The following ASIC5 variants were observed in gnomAD, a reference collection of about 807,000 sequenced individuals.
The protein encoded by ASIC5 is acid sensing ion channel subunit family member 5.
In ASIC5, 52 loss-of-function variants were observed where a neutral mutation model predicts 51.2. The ratio of observed to expected loss-of-function variants is 1.02; its 90% CI spans 0.81 to 1.28. The LOEUF is 1.28. Among genes scored for constraint, ASIC5 ranks in the 50% most tolerant of loss-of-function variants. The pLI, the probability that ASIC5 is intolerant of heterozygous loss-of-function variation, is 0.00. For missense variants in ASIC5, 635 were observed against 595.0 expected (o/e 1.07, Z -0.70); for synonymous variants, 231 against 200.7 (o/e 1.15, Z -1.28).
intron 2 of ASIC5, among the ~76,000 whole-genome samples, chr4:155,855,716 CTATATGTGTGTGTATATATATACATA>C (rs1229890989): frequency 6.8e-6 from 1 of 148,016 alleles, no homozygotes; most frequent in Non-Finnish European, 1.5e-5. Flanking sequence ...AAATATATAT[CTATATGTGTGTGTATATATATACATA>C]TATATAAAGA....
chr4:155,860,379 GT>G (rs1741671475), intron 2 of ASIC5, among the ~76,000 whole-genome samples: 1 of 151,802 alleles, frequency 6.6e-6, no homozygotes, highest in Non-Finnish European at 1.5e-5. Flanking sequence ...TAAATACACA[GT>G]TTTTCAAATT....
chr4:155,860,895 A>G (rs1741685692), intron 2 of ASIC5, among the ~76,000 whole-genome samples: 1 of 151,876 alleles, frequency 6.6e-6, no homozygotes, highest in Admixed American at 6.6e-5. Context: ...GTTTACAGTT[A>G]CAACTTTCCC....
At chr4:155,853,595 TATACTA>T (rs2111257026) in intron 3 of ASIC5, among the ~76,000 whole-genome samples, 1 of 141,968 alleles carries the variant, frequency 7.0e-6, no homozygotes, top group Admixed American at 7.1e-5. Context: ...ATATATAATA[TATACTA>T]GTTATTATAT....
chr4:155,852,491 T>G (rs555498455), intron 3 of ASIC5, among the ~76,000 whole-genome samples, 175 bp from the exon 4 acceptor site: 43 of 151,322 alleles, frequency 2.8e-4, no homozygotes, highest in African/African-American at 9.7e-4. Flanking sequence ...TTTGGTAATA[T>G]GCATTCGTCA....
intron 8 of ASIC5, among the ~76,000 whole-genome samples, chr4:155,834,904 CG>C (rs1740942148): frequency 6.6e-6 from 1 of 152,016 alleles, no homozygotes; most frequent in South Asian, 2.1e-4. Context: ...GGAGCTCGGC[CG>C]GGGGTGTTCA....
chr4:155,830,995 A>G (rs1255283639), intron 9 of ASIC5, among the ~76,000 whole-genome samples: 1 of 152,186 alleles, frequency 6.6e-6, no homozygotes, highest in Non-Finnish European at 1.5e-5. Flanking sequence ...TCTGACTGCT[A>G]TCACTTTTGC....
intron 2 of ASIC5, among the ~76,000 whole-genome samples, chr4:155,860,098 G>A (rs1741658674): frequency 6.6e-6 from 1 of 151,728 alleles, no homozygotes; most frequent in South Asian, 2.1e-4. Context: ...CCACATTTTG[G>A]GTTATTTGAA....
intron 8 of ASIC5, among the ~76,000 whole-genome samples, chr4:155,833,045 T>A (rs1740904583): frequency 6.6e-6 from 1 of 152,144 alleles, no homozygotes; most frequent in South Asian, 2.1e-4. Context: ...TATACAGTGG[T>A]CACCAATTTC....
At position 155,836,860 on chromosome 4, in the gene ASIC5, G is replaced by A; in HGVS notation, c.1067-3C>T. 6.3e-6 allele frequency: 10 copies of A among 1,578,782 alleles called. No individual in the cohort carries two copies. Among genetic ancestry groups the A allele is most frequent in the Non-Finnish European group, 8.6e-6 (10 of 1,159,372 alleles). The stretch of plus-strand genomic sequence containing the variant: ...TAAATCCTTAAATTCAATGTGGTCT[G>A]AAATGAAAATCAGGACAGGGAATTC... On this transcript the variant is annotated splice_polypyrimidine_tract_variant and splice_region_variant and intron_variant, in intron 7 of 9. Transcript: ENST00000537611.
chr4:155,833,458 C>G (rs187018822), intron 8 of ASIC5, among the ~76,000 whole-genome samples: 5 of 152,018 alleles, frequency 3.3e-5, no homozygotes, highest in Non-Finnish European at 7.4e-5. Flanking sequence ...CAAAATATAT[C>G]ATTAATATGT....
chr4:155,864,143 G>A (rs1456193628), intron 1 of ASIC5, among the ~76,000 whole-genome samples: 3 of 152,132 alleles, frequency 2.0e-5, no homozygotes, highest in Admixed American at 6.6e-5. Context: ...AACAAAATGA[G>A]GCTGATTCCT....
rs1334562082 is a variant in ASIC5, at chr4:155,859,704, C to CT, written c.347+3743dup. Among the ~76,000 whole-genome samples the CT allele has an allele frequency of 2.0e-5, 3 of 152,082 alleles. No individual in the cohort carries two copies. In the East Asian group the frequency reaches 5.8e-4, roughly 29 times the overall value. On this transcript the variant is annotated intron_variant, in intron 2 of 9. Coordinates refer to ENST00000537611, the MANE Select transcript of ASIC5 (RefSeq NM_017419.3). ...GCTTCAAACTAGAATGTGCCTATGT[C>CT]TGAGTGTTCTCCTGCACAGAGAATT... is the stretch of plus-strand genomic sequence containing the variant.
chr4:155,842,432 C>A, intron 5 of ASIC5, 78 bp from the exon 6 acceptor site: 1 of 1,353,568 alleles, frequency 7.4e-7, no homozygotes, highest in Non-Finnish European at 1.0e-6. Context: ...AGCTGGTACA[C>A]ATTTTTATTT....
At chr4:155,835,650 CAA>C (rs904509933) in intron 8 of ASIC5, among the ~76,000 whole-genome samples, 1 of 152,088 alleles carries the variant, frequency 6.6e-6, no homozygotes, top group Non-Finnish European at 1.5e-5. Flanking sequence ...CACATTAAAA[CAA>C]AATATATAAA....
In ASIC5 at chr4:155,842,198, T is replaced by G. The variant is rs1171352603; in HGVS notation, c.1009+9A>C. On this transcript the variant is annotated intron_variant, in intron 6 of 9. Transcript: ENST00000537611. ...TAGTTAAGTAAGGGGGCAGTTAGTC[T>G]TTATTTACCAGGAAGAAGAAAAGGC... 1 of 1,612,826 alleles carries G rather than the reference T, an allele frequency of 6.2e-7. No homozygotes were observed. Among genetic ancestry groups the G allele is most frequent in the East Asian group, 2.2e-5 (1 of 44,840 alleles).
intron 1 of ASIC5, chr4:155,865,090 A>G (rs1741827364): frequency 6.6e-6 from 1 of 152,048 alleles, no homozygotes; most frequent in Non-Finnish European, 1.5e-5. Context: ...ATGCTATAAA[A>G]AGGTGTCTAT....
chr4:155,848,463 G>A (rs188947781), intron 4 of ASIC5, among the ~76,000 whole-genome samples: 288 of 152,098 alleles, frequency 1.9e-3, no homozygotes, highest in African/African-American at 6.6e-3. Context: ...ATTGGTAAGT[G>A]TTCCAGAATT....
At chr4:155,835,348 C>G (rs1051019398) in intron 8 of ASIC5, among the ~76,000 whole-genome samples, 9 of 151,812 alleles carry the variant, frequency 5.9e-5, no homozygotes, top group African/African-American at 7.3e-5. Flanking sequence ...CGAGCAACAC[C>G]CTGTTGCACA....
intron 6 of ASIC5, among the ~76,000 whole-genome samples, chr4:155,839,786 G>T (rs925033189): frequency 2.0e-5 from 3 of 150,626 alleles, no homozygotes; most frequent in Admixed American, 6.6e-5. Flanking sequence ...ATTATTTCTT[G>T]CTCTGGCAAT....
Sources: allele counts gnomAD v4.1 joint callset (sites outside exome capture counted in the v4.1 genomes callset), GRCh38; gene constraint gnomAD v4.1.1; transcripts MANE v1.5; gene names NCBI Gene and HGNC (gene_info 2026-07-23, HGNC 2026-07-21).